The following ATOH8 variants were observed in gnomAD, a reference collection of about 807,000 sequenced individuals.
ATOH8 encodes the protein atonal bHLH transcription factor 8, also known as transcription factor ATOH8.
Under a neutral mutation model 21.2 loss-of-function variants are expected in ATOH8, and 9 were observed. The ratio of observed to expected loss-of-function variants is 0.42; its 90% CI spans 0.26 to 0.74. The LOEUF (loss-of-function observed/expected upper bound fraction) is 0.74. Among genes scored for constraint, ATOH8 ranks in the 30% least tolerant of loss-of-function variants. ATOH8 has a pLI of 0.24. For synonymous variants in ATOH8, 253 were observed against 224.0 expected, an observed-to-expected ratio of 1.13 and a Z score of -1.16; for missense variants, 524 against 470.9, an observed-to-expected ratio of 1.11 and a Z score of -1.04.
At position 85,784,501 on chromosome 2, in the gene ATOH8, C is replaced by A. The variant is rs1354983317; in HGVS notation, c.961-2384C>A. 3.3e-5 allele frequency among the ~76,000 whole-genome samples: 5 copies of A among 152,094 alleles called. 1 individual carries two copies. The East Asian group carries it at 7.7e-4, about 23-fold the overall frequency. On this transcript the variant is annotated intron_variant, in intron 2 of 2. Transcript: ENST00000306279. ...AGGCTATGCTGAGCCATGATTGCAA[C>A]CACTACACTCAGCCTAAATAACAGA...
At chr2:85,772,540 C>A in intron 2 of ATOH8, 1 of 367,296 alleles carries the variant, frequency 2.7e-6, no homozygotes, top group Admixed American at 3.7e-5. Flanking sequence ...CACCACAGGC[C>A]TTGGCAGCCC....
At chr2:85,784,363 C>A (rs923813779) in intron 2 of ATOH8, among the ~76,000 whole-genome samples, 2 of 152,046 alleles carry the variant, frequency 1.3e-5, no homozygotes, top group African/African-American at 4.8e-5. Context: ...CATAGTGAGG[C>A]CTTGTCTCTA....
intron 2 of ATOH8, among the ~76,000 whole-genome samples, chr2:85,765,008 T>G (rs1057054269): frequency 6.6e-6 from 1 of 152,128 alleles, no homozygotes; most frequent in Non-Finnish European, 1.5e-5. Context: ...GGAAATGCAT[T>G]TAGTGGGAAA....
intron 1 of ATOH8, among the ~76,000 whole-genome samples, chr2:85,762,605 T>C (rs1359895697): frequency 1.3e-5 from 2 of 152,234 alleles, no homozygotes; most frequent in Non-Finnish European, 1.5e-5. Flanking sequence ...AAGCTGTCCC[T>C]CCTGGTGTAG....
intron 2 of ATOH8, among the ~76,000 whole-genome samples, chr2:85,772,238 C>T (rs776024207): frequency 3.9e-5 from 6 of 152,220 alleles, no homozygotes; most frequent in Non-Finnish European, 8.8e-5. Context: ...TTTGTGCCGC[C>T]GGCGAGGACT....
chr2:85,771,379 A>G (rs1214622686), intron 2 of ATOH8, among the ~76,000 whole-genome samples: 1 of 152,196 alleles, frequency 6.6e-6, no homozygotes, highest in Non-Finnish European at 1.5e-5. Flanking sequence ...AAGACCCCAT[A>G]TGAGAAAGGG....
chr2:85,761,321 TTAAATGGGCTAATACTACCTGTAAA>T (rs1448422897), intron 1 of ATOH8, among the ~76,000 whole-genome samples: 1 of 152,154 alleles, frequency 6.6e-6, no homozygotes, highest in Admixed American at 6.5e-5. Context: ...GGGGAAGGTT[TTAAATGGGCTAATACTACCTGTAAA>T]TAGCTACCAC....
At chr2:85,775,463 C>T (rs1488875376) in intron 2 of ATOH8, among the ~76,000 whole-genome samples, 1 of 152,220 alleles carries the variant, frequency 6.6e-6, no homozygotes, top group East Asian at 1.9e-4. Flanking sequence ...AAGGAAAGCA[C>T]TGTGTTTCAA....
At chr2:85,768,274 C>G (rs1483158532) in intron 2 of ATOH8, among the ~76,000 whole-genome samples, 6 of 152,224 alleles carry the variant, frequency 3.9e-5, no homozygotes, top group Non-Finnish European at 8.8e-5. Flanking sequence ...TGTGCTGTGG[C>G]TGTGGAAGCC....
At chr2:85,758,934 G>C (rs1365983363) in intron 1 of ATOH8, among the ~76,000 whole-genome samples, 1 of 152,210 alleles carries the variant, frequency 6.6e-6, no homozygotes, top group Non-Finnish European at 1.5e-5. Context: ...CTCACAAGCT[G>C]TGCCCACCCT....
At chr2:85,764,765 T>C (rs1453280294) in intron 2 of ATOH8, among the ~76,000 whole-genome samples, 1 of 151,932 alleles carries the variant, frequency 6.6e-6, no homozygotes, top group East Asian at 1.9e-4. Context: ...CATAGGAGGG[T>C]CAGGGAGACC....
chr2:85,779,035 G>C lies in ATOH8; in HGVS notation c.961-7850G>C, dbSNP rs570932804. 3.3e-5 allele frequency among the ~76,000 whole-genome samples: 5 copies of C among 151,572 alleles called. No individual in the cohort carries two copies. The East Asian group carries it at 9.7e-4, about 29-fold the overall frequency. ...TACCTCCTCCAGTCTGGGTACTCCA[G>C]CCCGGGTGCCTCCTCCAGCCTGGGT... On this transcript the variant is annotated intron_variant, in intron 2 of 2. Transcript: ENST00000306279.
intron 2 of ATOH8, among the ~76,000 whole-genome samples, chr2:85,778,976 C>T (rs1488673157): frequency 6.6e-6 from 1 of 151,208 alleles, no homozygotes; most frequent in Non-Finnish European, 1.5e-5. Flanking sequence ...GAGTGGGCTG[C>T]CCCCTCCTGC....
At chr2:85,778,470 G>C (rs1032617298) in intron 2 of ATOH8, among the ~76,000 whole-genome samples, 1 of 152,204 alleles carries the variant, frequency 6.6e-6, no homozygotes, top group Admixed American at 6.5e-5. Flanking sequence ...AACTGCATTT[G>C]CATGGAACGC....
intron 2 of ATOH8, chr2:85,780,355 A>G (rs1256656309): frequency 6.6e-5 from 10 of 152,210 alleles, no homozygotes; most frequent in African/African-American, 2.4e-4. Flanking sequence ...TGATGCAACG[A>G]TTGTTTCTTA....
At chr2:85,778,788 AT>A in intron 2 of ATOH8, among the ~76,000 whole-genome samples, 1 of 152,292 alleles carries the variant, frequency 6.6e-6, no homozygotes, top group South Asian at 2.1e-4. Context: ...GGCAGGCCTG[AT>A]GGGGACCCTC....
In ATOH8 at chr2:85,754,893, C is replaced by T; in HGVS notation, c.704C>T (p.Ala235Val). 1 of 1,610,838 alleles carries T rather than the reference C, an allele frequency of 6.2e-7. No individual in the cohort carries two copies. Reference sequence around the variant, plus strand: ...CTGCAGCAGACCCGGAGGCTCCTGGCGAACGCCAGGGAGCGGACGCGGGTG... The same window carrying T: ...CTGCAGCAGACCCGGAGGCTCCTGGTGAACGCCAGGGAGCGGACGCGGGTG... Reference protein sequence around the residue: ...KALQQTRRLLANARERTRVHT... With the variant: ...KALQQTRRLLVNARERTRVHT... The change falls in exon 1 of 3, where the codon GCG (alanine) becomes GTG (valine). Residue 235 changes from alanine to valine, a missense_variant. By Grantham distance (64) the Ala-to-Val change is moderately conservative. Transcript: ENST00000306279.
chr2:85,762,779 G>T (rs74875865), intron 1 of ATOH8, among the ~76,000 whole-genome samples: 1 of 152,108 alleles, frequency 6.6e-6, no homozygotes, highest in Non-Finnish European at 1.5e-5. Flanking sequence ...TTGGGGGCAG[G>T]TAGTTCTCTG....
At chr2:85,771,881 A>G (rs1344856486) in intron 2 of ATOH8, among the ~76,000 whole-genome samples, 1 of 152,220 alleles carries the variant, frequency 6.6e-6, no homozygotes. Flanking sequence ...TGAGGCCAGG[A>G]GAAGGGCGTA....
Sources: gnomAD v4.1 joint callset for allele counts (sites outside exome capture counted in the v4.1 genomes callset) on GRCh38, gnomAD v4.1.1 for gene constraint, MANE v1.5 for transcripts, NCBI Gene and HGNC (gene_info 2026-07-23, HGNC 2026-07-21) for gene names.